The following RBM44 variants were observed in gnomAD, a reference collection of about 807,000 sequenced individuals.
RBM44 encodes the protein RNA-binding protein 44.
RBM44 carries 66 observed loss-of-function variants against 105.1 expected under a neutral mutation model. That is an observed-to-expected ratio of 0.63 (90% CI 0.52 to 0.77). The LOEUF is 0.77. Among genes scored for constraint, RBM44 ranks in the 30% least tolerant of loss-of-function variants. The pLI is 0.00. For synonymous variants in RBM44, 365 were observed against 417.6 expected (o/e 0.87, Z 1.54); for missense variants, 1,122 against 1,207.8 (o/e 0.93, Z 1.05).
At position 237,818,107 on chromosome 2, in the gene RBM44, T is replaced by C. The variant is rs1467883749; in HGVS notation, c.1188T>C (p.Tyr396=). 2 of 1,612,888 alleles carry C rather than the reference T, an allele frequency of 1.2e-6. No individual in the cohort carries two copies. Among genetic ancestry groups the C allele is most frequent in the Non-Finnish European group, 1.7e-6 (2 of 1,179,488 alleles). The change falls in exon 3 of 16, where the codon TAT becomes TAC. Residue 396 remains tyrosine (Y), a synonymous_variant. Coordinates refer to ENST00000316997, the MANE Select transcript of RBM44 (RefSeq NM_001080504.3). The surrounding 1 kb of genome is among the most constrained non-coding windows in gnomAD (Gnocchi z 4.6). ...CGATAATTTCTGCCTGTGGATATTA[T>C]GAAAGCCTACAAAACACTGCTGACT... ...DDSIISACGY[Y]ESLQNTADSA...
At chr2:237,814,316 C>T (rs141353539) in intron 2 of RBM44, among the ~76,000 whole-genome samples, 4 of 152,092 alleles carry the variant, frequency 2.6e-5, no homozygotes, top group East Asian at 3.9e-4. Flanking sequence ...CATTGTAAGA[C>T]GATTAAGAGG....
chr2:237,813,634 A>T lies in RBM44; in HGVS notation c.25A>T (p.Thr9Ser). The change falls in exon 2 of 16, where the codon ACA becomes TCA. Residue 9 changes from threonine to serine, a missense_variant. By Grantham distance (58) the Thr-to-Ser change is moderately conservative (BLOSUM62 1). Around this residue, in one of 3 missense-constraint regions of RBM44, gnomAD observed 918 missense variants for 955.3 expected, o/e 0.96. Coordinates refer to ENST00000316997, the MANE Select transcript of RBM44 (RefSeq NM_001080504.3). ...GATGCAGGCCACTGCAGTGGTGGAG[A>T]CAGCATCTGGTAAAGGCTACCACAG... MQATAVVETASGKGYHSNG... is the reference protein window; with the variant it reads MQATAVVESASGKGYHSNG... 1.2e-6 allele frequency: 2 copies of T among 1,611,122 alleles called. No individual in the cohort carries two copies. Among genetic ancestry groups the T allele is most frequent in the Non-Finnish European group, 1.7e-6 (2 of 1,177,548 alleles).
intron 1 of RBM44, among the ~76,000 whole-genome samples, chr2:237,799,831 A>G (rs2061527793): frequency 6.6e-6 from 1 of 152,234 alleles, no homozygotes; most frequent in Non-Finnish European, 1.5e-5. Flanking sequence ...GATTGTCTGC[A>G]TAGCTGTGAG....
intron 2 of RBM44, among the ~76,000 whole-genome samples, chr2:237,815,938 T>G (rs74980061): frequency 0.03 from 4,533 of 152,200 alleles, 73 homozygotes; most frequent in Middle Eastern, 0.085. Context: ...TGACTACCCT[T>G]TAATGAAGTT....
intron 1 of RBM44, among the ~76,000 whole-genome samples, chr2:237,812,397 A>G (rs1294529058): frequency 6.6e-6 from 1 of 152,180 alleles, no homozygotes; most frequent in Non-Finnish European, 1.5e-5. Context: ...AACTTTGACC[A>G]TGTCCCGTAG....
chr2:237,834,057 C>G lies in RBM44; in HGVS notation c.2947C>G (p.Gln983Glu). The change falls in exon 14 of 16, where the codon CAA becomes GAA. Residue 983 changes from glutamine (Q) to glutamate (E), a missense_variant. Transcript: ENST00000316997. ...SAKLLPDTPVQFIPPNTLNLR... is the reference protein window; with the variant it reads ...SAKLLPDTPVEFIPPNTLNLR... Reference sequence around the variant, plus strand: ...TAAATTATTACCTGATACACCCGTTCAATTCATACCTCCAAATACATTGAA... The same window carrying G: ...TAAATTATTACCTGATACACCCGTTGAATTCATACCTCCAAATACATTGAA... 1 of 1,575,910 alleles carries G rather than the reference C, an allele frequency of 6.3e-7. No homozygotes were observed. Among genetic ancestry groups the G allele is most frequent in the Non-Finnish European group, 8.6e-7 (1 of 1,158,070 alleles).
In RBM44 at chr2:237,841,338, G is replaced by A. The variant is rs2062010120; in HGVS notation, c.*23-501G>A. Among the ~76,000 whole-genome samples, 2 of 152,150 alleles carry A rather than the reference G, an allele frequency of 1.3e-5. No individual in the cohort carries two copies. The highest frequency in any genetic ancestry group is 4.1e-4 in the South Asian group (2 of 4,830). ...AGGAACAGAAAACCAAATACCACGTGATCTTACTTATAAATGGCAGCTAAA... is the reference window on the plus strand; with the variant it reads ...AGGAACAGAAAACCAAATACCACGTAATCTTACTTATAAATGGCAGCTAAA... On this transcript the variant is annotated intron_variant, in intron 15 of 15. Transcript: ENST00000316997. The surrounding 1 kb of genome is among the most constrained non-coding windows in gnomAD (Gnocchi z 4.5).
At chr2:237,836,646 G>A (rs1030526567) in intron 15 of RBM44, among the ~76,000 whole-genome samples, 1 of 152,024 alleles carries the variant, frequency 6.6e-6, no homozygotes, top group Middle Eastern at 3.2e-3. Flanking sequence ...TGGGCGTGGT[G>A]GCGTGCACCT....
At chr2:237,831,862 C>T (rs549737827) in intron 13 of RBM44, among the ~76,000 whole-genome samples, 2 of 152,120 alleles carry the variant, frequency 1.3e-5, no homozygotes, top group African/African-American at 4.8e-5. Flanking sequence ...TACATAGCCT[C>T]GATCTACAGC....
In RBM44 at chr2:237,841,246, A is replaced by G. The variant is rs2062009157; in HGVS notation, c.*23-593A>G. ...GGAGTACTATGCAGCCATAAAAAAG[A>G]ATGAGATGATGTGCTTTGCAGCAGT... On this transcript the variant is annotated intron_variant, in intron 15 of 15. Coordinates refer to ENST00000316997, the MANE Select transcript of RBM44 (RefSeq NM_001080504.3). The surrounding 1 kb of genome is among the most constrained non-coding windows in gnomAD (Gnocchi z 4.5). Among the ~76,000 whole-genome samples the G allele has an allele frequency of 6.6e-6, 1 of 152,222 alleles. No homozygotes were observed. The highest frequency in any genetic ancestry group is 1.5e-5 in the Non-Finnish European group (1 of 68,036).
At chr2:237,829,680 G>T (rs1305736182) in intron 13 of RBM44, among the ~76,000 whole-genome samples, 178 bp downstream of exon 13, 4 of 152,072 alleles carry the variant, frequency 2.6e-5, no homozygotes, top group Non-Finnish European at 5.9e-5. Context: ...ATTGTTCCTG[G>T]GGGGAAATCT....
At chr2:237,808,219 G>A (rs1356944532) in intron 1 of RBM44, among the ~76,000 whole-genome samples, 1 of 152,152 alleles carries the variant, frequency 6.6e-6, no homozygotes, top group Non-Finnish European at 1.5e-5. Flanking sequence ...TTGGGAGACT[G>A]AGGTGGGCGG....
At position 237,842,492 on chromosome 2, in the gene RBM44, G is replaced by C. The variant is rs1326737571; in HGVS notation, c.*676G>C. On this transcript the variant is annotated 3_prime_UTR_variant, in exon 16 of 16. Transcript: ENST00000316997. Reference sequence around the variant, plus strand: ...TTTGGTAAAGTACTTAAATTCCAATGTTCCCTATAGTGCTTGCATTCATTT... The same window carrying C: ...TTTGGTAAAGTACTTAAATTCCAATCTTCCCTATAGTGCTTGCATTCATTT... 6.6e-6 allele frequency: 1 copy of C among 152,076 alleles called. No individual in the cohort carries two copies. The highest frequency in any genetic ancestry group is 1.5e-5 in the Non-Finnish European group (1 of 67,954). 9.4% of individuals were successfully genotyped at this position (152,076 alleles called of 1,614,324 possible).
chr2:237,818,082 C>T lies in RBM44; in HGVS notation c.1163C>T (p.Ser388Leu), dbSNP rs753985428. Residue 388 changes from serine (S) to leucine (L), a missense_variant, in exon 3 of 16, where the codon TCG becomes TTG. By Grantham distance (145) the Ser-to-Leu change is moderately radical. Coordinates refer to ENST00000316997, the MANE Select transcript of RBM44 (RefSeq NM_001080504.3). The surrounding 1 kb of genome is among the most constrained non-coding windows in gnomAD (Gnocchi z 4.6). ...TCCTGGACCTCTGTTTTTGATGATT[C>T]GATAATTTCTGCCTGTGGATATTAT... The part of the protein sequence containing the change: ...QTSWTSVFDD[S>L]IISACGYYES... 1.9e-6 allele frequency: 3 copies of T among 1,612,400 alleles called. No homozygotes were observed. Among genetic ancestry groups the T allele is most frequent in the Admixed American group, 1.7e-5 (1 of 59,678 alleles).
intron 1 of RBM44, among the ~76,000 whole-genome samples, chr2:237,800,058 A>G (rs961352606): frequency 2.0e-5 from 3 of 152,232 alleles, no homozygotes; most frequent in Non-Finnish European, 2.9e-5. Context: ...AGGAAGTGCC[A>G]GACTTCTCCA....
In RBM44 at chr2:237,809,561, T is replaced by C. The variant is rs371419647; in HGVS notation, c.-18-4031T>C. ...GCTCCTTCTCACTCTCCTTTGTTGG[T>C]TCCTCTTTATCTCTTCAACCTTTTT... On this transcript the variant is annotated intron_variant, in intron 1 of 15. Coordinates refer to ENST00000316997, the MANE Select transcript of RBM44 (RefSeq NM_001080504.3). 4.3e-4 allele frequency among the ~76,000 whole-genome samples: 66 copies of C among 152,344 alleles called. 2 individuals carry two copies. Among genetic ancestry groups the C allele is most frequent in the African/African-American group, 1.5e-3 (63 of 41,576 alleles).
At chr2:237,805,874 G>A (rs1355799317) in intron 1 of RBM44, among the ~76,000 whole-genome samples, 1 of 152,108 alleles carries the variant, frequency 6.6e-6, no homozygotes, top group Admixed American at 6.5e-5. Flanking sequence ...GTAGGTGGGG[G>A]AGTGCTAAGG....
At position 237,803,299 on chromosome 2, in the gene RBM44, C is replaced by T. The variant is rs1319995114; in HGVS notation, c.-19+4438C>T. ...GTCTCTCTGTCTCTGGGTGACAGAG[C>T]GAGACACACACACACACACATACTC... On this transcript the variant is annotated intron_variant, in intron 1 of 15. Transcript: ENST00000316997. This position sits in a 1 kb window ranked among gnomAD's most constrained non-coding sequence, Gnocchi z 4.2. 1.3e-5 allele frequency among the ~76,000 whole-genome samples: 2 copies of T among 149,104 alleles called. No individual in the cohort carries two copies. The highest frequency in any genetic ancestry group is 2.5e-5 in the African/African-American group (1 of 40,032).
chr2:237,842,603 T>C lies in RBM44; in HGVS notation c.*787T>C, dbSNP rs1292986451. 6.6e-6 allele frequency: 1 copy of C among 152,158 alleles called. No individual in the cohort carries two copies. The highest frequency in any genetic ancestry group is 1.5e-5 in the Non-Finnish European group (1 of 67,974). The allele number at this position is 152,158 out of a possible 1,614,324, so 9.4% of individuals were successfully genotyped here. On this transcript the variant is annotated 3_prime_UTR_variant, in exon 16 of 16. Transcript: ENST00000316997. ...GATAGAAATATAGAATAGATAGTTC[T>C]TTAATTGCTTACTTTTTAAAAGTAA...
Sources: allele counts gnomAD v4.1 joint callset (sites outside exome capture counted in the v4.1 genomes callset), GRCh38; gene constraint gnomAD v4.1.1; regional missense constraint gnomAD v4.1.1; non-coding constraint Gnocchi (gnomAD v3.1); transcripts MANE v1.5; gene names NCBI Gene and HGNC (gene_info 2026-07-23, HGNC 2026-07-21).